Variants in DLGAP2 observed in about 807,000 individuals in gnomAD.
DLGAP2 encodes disks large-associated protein 2.
DLGAP2 carries 26 observed loss-of-function variants against 100.3 expected under a neutral mutation model. The ratio of observed to expected loss-of-function variants is 0.26; its 90% CI spans 0.19 to 0.36. The LOEUF is 0.36. DLGAP2 is among the 10% of genes least tolerant of loss of function. The pLI is 1.00. For missense variants in DLGAP2, 1,858 were observed against 1,453.2 expected (o/e 1.28, Z -4.53); for synonymous variants, 886 against 630.1 (o/e 1.41, Z -6.08).
chr8:1,436,158 G>A (rs1051609814), intron 3 of DLGAP2, among the ~76,000 whole-genome samples: 3 of 152,176 alleles, frequency 2.0e-5, no homozygotes, highest in African/African-American at 7.2e-5. Context: ...ACCACAAGCC[G>A]TCTGCAAGCT....
At chr8:1,558,933 C>T (rs200751734) in intron 5 of DLGAP2, among the ~76,000 whole-genome samples, 142 of 152,272 alleles carry the variant, frequency 9.3e-4, no homozygotes, top group African/African-American at 3.2e-3. Flanking sequence ...CCTGTGGGAA[C>T]GCACAGCAAT....
chr8:1,069,322 C>G (rs546445565), intron 2 of DLGAP2, among the ~76,000 whole-genome samples: 3 of 152,136 alleles, frequency 2.0e-5, no homozygotes, highest in Non-Finnish European at 4.4e-5. Flanking sequence ...GAGGCCGGGT[C>G]GGACAGACCT....
At chr8:1,041,533 C>T (rs191812969) in intron 2 of DLGAP2, among the ~76,000 whole-genome samples, 17 of 151,024 alleles carry the variant, frequency 1.1e-4, no homozygotes, top group East Asian at 7.8e-4. Flanking sequence ...AGCCCCTTGC[C>T]GTGGGTGAGT....
chr8:874,067 C>T (rs1797646811), intron 1 of DLGAP2, among the ~76,000 whole-genome samples: 2 of 152,116 alleles, frequency 1.3e-5, no homozygotes, highest in African/African-American at 2.4e-5. Flanking sequence ...ACCCCTCTTT[C>T]ATCTGATTCT....
At chr8:1,134,873 C>T (rs1332128288) in intron 2 of DLGAP2, among the ~76,000 whole-genome samples, 1 of 152,138 alleles carries the variant, frequency 6.6e-6, no homozygotes, top group Admixed American at 6.5e-5. Flanking sequence ...TGGGGGAGAC[C>T]TCCCTCCGTG....
chr8:1,660,125 G>C (rs1012236351), intron 8 of DLGAP2, among the ~76,000 whole-genome samples: 3 of 152,114 alleles, frequency 2.0e-5, no homozygotes, highest in African/African-American at 7.2e-5. Flanking sequence ...TTGGTTGCCT[G>C]TGAAATTCTG....
At chr8:800,241 C>T (rs548720828) in intron 1 of DLGAP2, among the ~76,000 whole-genome samples, 2 of 152,282 alleles carry the variant, frequency 1.3e-5, no homozygotes, top group South Asian at 2.1e-4. Context: ...CATCAGTGTT[C>T]CCTGGTGGTT....
Position 1,197,488 on chromosome 8 carries a change from G to A in DLGAP2, c.74-61363G>A, listed in dbSNP as rs1022610937. On this transcript the variant is annotated intron_variant, in intron 2 of 14. Transcript: ENST00000637795. ...TCAAGCACTGTTTATGTTCCATAAAGCTAAGCCACATGGATGCGGAGCAGC... is the reference window on the plus strand; with the variant it reads ...TCAAGCACTGTTTATGTTCCATAAAACTAAGCCACATGGATGCGGAGCAGC... Among the ~76,000 whole-genome samples, 3 of 152,238 alleles carry A rather than the reference G, an allele frequency of 2.0e-5. No individual in the cohort carries two copies. The South Asian group carries it at 6.2e-4, about 32-fold the overall frequency.
chr8:1,464,393 A>AC lies in DLGAP2; in HGVS notation c.107-36973_107-36972insC, dbSNP rs1563165015. On this transcript the variant is annotated intron_variant, in intron 3 of 14. Transcript: ENST00000637795. ...CCCTTCCAGGATGGCACCCTTCCGG[A>AC]ATGGCATCCTTCCAGGACAGCTCCC... Among the ~76,000 whole-genome samples the AC allele has an allele frequency of 5.7e-5, 2 of 34,958 alleles. 1 individual carries two copies. Among genetic ancestry groups the AC allele is most frequent in the Non-Finnish European group, 1.0e-4 (2 of 19,768 alleles). The allele number at this position is 34,958 out of a possible 152,430, so 22.9% of individuals were successfully genotyped here.
At chr8:817,127 C>T (rs566525200) in intron 1 of DLGAP2, among the ~76,000 whole-genome samples, 110 of 132,418 alleles carry the variant, frequency 8.3e-4, no homozygotes, top group South Asian at 1.3e-3. Flanking sequence ...GGCGACACAG[C>T]GAGACTCCGT....
chr8:785,277 G>A (rs189685646), intron 1 of DLGAP2, among the ~76,000 whole-genome samples: 4 of 138,116 alleles, frequency 2.9e-5, no homozygotes, highest in Non-Finnish European at 3.1e-5. Flanking sequence ...CTTCAGATGC[G>A]CCGGATCCTG....
At chr8:1,380,360 C>T (rs963912342) in intron 3 of DLGAP2, 7 of 152,146 alleles carry the variant, frequency 4.6e-5, no homozygotes, top group Admixed American at 6.5e-5. Context: ...AAGCAGCCGT[C>T]TCCAGAAATT....
intron 3 of DLGAP2, among the ~76,000 whole-genome samples, chr8:1,391,858 G>A (rs568456100): frequency 6.6e-6 from 1 of 152,328 alleles, no homozygotes; most frequent in African/African-American, 2.4e-5. Flanking sequence ...TCCAAGACCC[G>A]AGTATGTGTC....
chr8:1,458,500 A>T (rs903760593), intron 3 of DLGAP2, among the ~76,000 whole-genome samples: 1 of 152,182 alleles, frequency 6.6e-6, no homozygotes, highest in African/African-American at 2.4e-5. Context: ...TCAACCTGAC[A>T]TATTTAGACA....
intron 2 of DLGAP2, among the ~76,000 whole-genome samples, chr8:970,910 A>T (rs1239734575): frequency 6.6e-6 from 1 of 152,222 alleles, no homozygotes; most frequent in African/African-American, 2.4e-5. Context: ...AAAATATAAA[A>T]TTTCAATGTT....
In DLGAP2 at chr8:1,276,646, C is replaced by G. The variant is rs879766346; in HGVS notation, c.106+17763C>G. Among the ~76,000 whole-genome samples the G allele has an allele frequency of 6.0e-3, 916 of 152,274 alleles. 11 individuals are homozygous for G. The highest frequency in any genetic ancestry group is 0.032 in the Admixed American group (489 of 15,298). On this transcript the variant is annotated intron_variant, in intron 3 of 14. Coordinates refer to ENST00000637795, the MANE Select transcript of DLGAP2 (RefSeq NM_001346810.2). ...TTGTGTCGGTGCTTTGACTTCCCAG[C>G]ACACGTCCCCAGACTCCTCTAGAAA... is the stretch of plus-strand genomic sequence containing the variant.
intron 3 of DLGAP2, among the ~76,000 whole-genome samples, chr8:1,441,337 G>A (rs62485585): frequency 5.3e-5 from 8 of 151,994 alleles, no homozygotes; most frequent in South Asian, 4.2e-4. Context: ...ATGTCTTCAC[G>A]CCCCTACTTT....
chr8:1,032,241 A>T (rs1801996484), intron 2 of DLGAP2, among the ~76,000 whole-genome samples: 1 of 152,074 alleles, frequency 6.6e-6, no homozygotes, highest in Admixed American at 6.5e-5. Context: ...GTGTTCCCCC[A>T]CCGCCACCAC....
intron 1 of DLGAP2, among the ~76,000 whole-genome samples, chr8:803,091 C>T (rs564608295): frequency 2.0e-5 from 3 of 152,270 alleles, no homozygotes; most frequent in Non-Finnish European, 4.4e-5. Flanking sequence ...ACGCTGGTGG[C>T]GGCTTCTGGG....
Sources: gnomAD v4.1 joint callset for allele counts (sites outside exome capture counted in the v4.1 genomes callset) on GRCh38, gnomAD v4.1.1 for gene constraint, MANE v1.5 for transcripts, NCBI Gene and HGNC (gene_info 2026-07-23, HGNC 2026-07-21) for gene names.